The following CCDC144A variants were observed in gnomAD, a reference collection of about 807,000 sequenced individuals.
The protein encoded by CCDC144A is coiled-coil domain containing 144A, also known as coiled-coil domain-containing protein 144A.
In CCDC144A, 41 loss-of-function variants were observed where a neutral mutation model predicts 143.8. That is an observed-to-expected ratio of 0.29 (90% CI 0.22 to 0.37). CCDC144A has a LOEUF of 0.37. Among genes scored for constraint, CCDC144A ranks in the 10% least tolerant of loss-of-function variants. CCDC144A has a pLI of 1.00. For synonymous variants in CCDC144A, 242 were observed against 517.9 expected (o/e 0.47, Z 7.23); for missense variants, 637 against 1,488.8 (o/e 0.43, Z 9.41).
At chr17:16,747,097 AG>A (rs1190031463) in intron 12 of CCDC144A, among the ~76,000 whole-genome samples, 2 of 152,016 alleles carry the variant, frequency 1.3e-5, no homozygotes, top group Non-Finnish European at 2.9e-5. Context: ...GGTGATAGCT[AG>A]GGGTCAAGTT....
At chr17:16,711,655 C>T (rs1912453765) in intron 5 of CCDC144A, 24 bp from the exon 6 acceptor site, 2 of 1,609,916 alleles carry the variant, frequency 1.2e-6, no homozygotes, top group East Asian at 2.2e-5. Flanking sequence ...AACAATCATC[C>T]TGAACATCAA....
At chr17:16,705,635 T>C in intron 3 of CCDC144A, 1 of 491,346 alleles carries the variant, frequency 2.0e-6, no homozygotes, top group Non-Finnish European at 3.7e-6. Context: ...AGGATTATAT[T>C]TAGAATATAG....
chr17:16,668,193 T>A, the CCDC144A span, among the ~76,000 whole-genome samples: 1 of 150,458 alleles, frequency 6.6e-6, no homozygotes, highest in East Asian at 2.0e-4. Context: ...TTTTTCAATG[T>A]GTTATTCACT....
At position 16,751,760 on chromosome 17, in the gene CCDC144A, G is replaced by C. The variant is rs866100738; in HGVS notation, c.3373-9665G>C. Among the ~76,000 whole-genome samples the C allele has an allele frequency of 2.0e-4, 31 of 152,360 alleles. No homozygotes were observed. The Middle Eastern group carries it at 0.017, about 84-fold the overall frequency. On this transcript the variant is annotated intron_variant, in intron 12 of 16. Coordinates refer to ENST00000399273, the MANE Select transcript of CCDC144A (RefSeq NM_001382000.1). The stretch of plus-strand genomic sequence containing the variant: ...GTCTGTTGATATAATGTGGGTCAAG[G>C]GGGGAGGATCCCCGGGCAGGGCTGT...
chr17:16,752,122 G>A (rs1239676499), intron 12 of CCDC144A, among the ~76,000 whole-genome samples: 1 of 152,194 alleles, frequency 6.6e-6, no homozygotes, highest in Non-Finnish European at 1.5e-5. Context: ...CGCACAGCAG[G>A]AGGTGAGGGG....
intron 12 of CCDC144A, among the ~76,000 whole-genome samples, chr17:16,737,924 A>G (rs1914096675): frequency 6.6e-6 from 1 of 151,568 alleles, no homozygotes; most frequent in Admixed American, 6.6e-5. Flanking sequence ...GAAAATTGGG[A>G]ATTATTCAGT....
At chr17:16,752,351 C>G (rs1199493693) in intron 12 of CCDC144A, among the ~76,000 whole-genome samples, 1 of 152,174 alleles carries the variant, frequency 6.6e-6, no homozygotes, top group Non-Finnish European at 1.5e-5. Context: ...TTGTTTTCCA[C>G]AATGCCAGCA....
At position 16,777,210 on chromosome 17, in the gene CCDC144A, A is replaced by C. The variant is rs370070099; in HGVS notation, c.*3577A>C. 3.0e-4 allele frequency: 41 copies of C among 137,916 alleles called. 1 individual carries two copies. In the East Asian group the frequency reaches 8.5e-3, roughly 28 times the overall value. The allele number at this position is 137,916 out of a possible 1,614,324, so 8.5% of individuals were successfully genotyped here. A position where few individuals can be genotyped will look rare whatever the true frequency, so the allele number is the denominator to read the frequency against. On this transcript the variant is annotated 3_prime_UTR_variant, in exon 17 of 17. Coordinates refer to ENST00000399273, the MANE Select transcript of CCDC144A (RefSeq NM_001382000.1). Reference sequence around the variant, plus strand: ...TAATACTGGAGATCCCAAATTTATAAAACAATTACTACTAGACATAAGAAA... The same window carrying C: ...TAATACTGGAGATCCCAAATTTATACAACAATTACTACTAGACATAAGAAA...
In CCDC144A at chr17:16,709,100, A is replaced by T; in HGVS notation, c.1043A>T (p.Asp348Val). The change falls in exon 5 of 17, where the codon GAT becomes GTT. Residue 348 changes from aspartate to valine, a missense_variant. Transcript: ENST00000399273. ...TNNIPGCEEE[D>V]ASEISVSVVF... Reference sequence around the variant, plus strand: ...AACATACCTGGTTGTGAGGAAGAAGATGCATCTGAAATATCTGTCTCAGTG... The same window carrying T: ...AACATACCTGGTTGTGAGGAAGAAGTTGCATCTGAAATATCTGTCTCAGTG... 6.2e-7 allele frequency: 1 copy of T among 1,611,712 alleles called. No individual in the cohort carries two copies. Among genetic ancestry groups the T allele is most frequent in the Non-Finnish European group, 8.5e-7 (1 of 1,179,646 alleles).
At chr17:16,679,896 C>A in the CCDC144A span, among the ~76,000 whole-genome samples, 1 of 151,906 alleles carries the variant, frequency 6.6e-6, no homozygotes, top group Non-Finnish European at 1.5e-5. Context: ...TTACATTAAC[C>A]AAATTTCTTT....
chr17:16,675,538 A>G, the CCDC144A span, among the ~76,000 whole-genome samples: 1 of 151,916 alleles, frequency 6.6e-6, no homozygotes, highest in African/African-American at 2.4e-5. Context: ...CGGAAAACAA[A>G]ATAAAAAAAA....
intron 16 of CCDC144A, among the ~76,000 whole-genome samples, chr17:16,772,893 G>C (rs535647264): frequency 2.3e-4 from 35 of 152,334 alleles, no homozygotes; most frequent in African/African-American, 7.9e-4. Flanking sequence ...GGGGTGGACT[G>C]TATCATCTTC....
the CCDC144A span, among the ~76,000 whole-genome samples, chr17:16,679,575 C>T: frequency 0.054 from 8,227 of 151,834 alleles, 243 homozygotes; most frequent in South Asian, 0.16. Flanking sequence ...AGGTTCTGCC[C>T]ACACCAAGCC....
rs774436903 is a variant in CCDC144A at position 16,709,029 on chromosome 17, T to C, written c.972T>C (p.Ser324=). The C allele has an allele frequency of 3.7e-6, 6 of 1,611,656 alleles. No individual in the cohort carries two copies. The Admixed American group carries it at 1.0e-4, about 27-fold the overall frequency. The change falls in exon 5 of 17, where the codon TCT becomes TCC. Residue 324 remains serine, a synonymous_variant. Transcript: ENST00000399273. ...CPEEEPLLDN[S]TRGTDVKDIP... The stretch of plus-strand genomic sequence containing the variant: ...AGGAAGAGCCACTACTTGATAACTC[T>C]ACAAGAGGAACAGATGTAAAGGATA...
At chr17:16,712,525 A>G (rs982002335) in intron 6 of CCDC144A, among the ~76,000 whole-genome samples, 1 of 152,138 alleles carries the variant, frequency 6.6e-6, no homozygotes, top group African/African-American at 2.4e-5. Context: ...ATACACATAT[A>G]TGTTAAGGAC....
intron 5 of CCDC144A, among the ~76,000 whole-genome samples, chr17:16,711,154 A>C (rs1198815825): frequency 1.4e-4 from 20 of 142,544 alleles, no homozygotes; most frequent in African/African-American, 4.2e-4. Flanking sequence ...AAAAAAAAAA[A>C]AAAACAAAAG....
At chr17:16,747,421 AT>A (rs1914586800) in intron 12 of CCDC144A, among the ~76,000 whole-genome samples, 1 of 152,224 alleles carries the variant, frequency 6.6e-6, no homozygotes, top group African/African-American at 2.4e-5. Flanking sequence ...TCCATATGAA[AT>A]TTTAGAATAG....
chr17:16,759,900 G>A (rs1915282358), intron 12 of CCDC144A, among the ~76,000 whole-genome samples: 2 of 152,184 alleles, frequency 1.3e-5, no homozygotes, highest in African/African-American at 4.8e-5. Context: ...GCTCAGTGGG[G>A]CCAACTCCCT....
intron 3 of CCDC144A, chr17:16,706,535 T>G (rs1342810999): frequency 7.2e-6 from 1 of 139,726 alleles, no homozygotes; most frequent in East Asian, 2.0e-4. Flanking sequence ...CTTTCTGCCT[T>G]TTGTTGCTGC....
Sources: gnomAD v4.1 joint callset for allele counts (sites outside exome capture counted in the v4.1 genomes callset) on GRCh38, gnomAD v4.1.1 for gene constraint, MANE v1.5 for transcripts, NCBI Gene and HGNC (gene_info 2026-07-23, HGNC 2026-07-21) for gene names.